Variants in PARM1 observed in about 807,000 individuals in gnomAD.
PARM1 encodes WSC4, cell wall integrity and stress response component 4 homolog.
In PARM1, 14 loss-of-function variants were observed where a neutral mutation model predicts 24.6. The observed-to-expected ratio is 0.57, with a 90% CI of 0.38 to 0.89. The LOEUF (loss-of-function observed/expected upper bound fraction) is 0.89, where lower values mean the gene tolerates loss of function less well. Ranked by LOEUF, PARM1 falls within the 40% of genes least tolerant of loss-of-function variation. The pLI is 0.00. For synonymous variants in PARM1, 179 were observed against 156.6 expected (o/e 1.14, Z -1.07); for missense variants, 362 against 380.4 (o/e 0.95, Z 0.40).
In PARM1 at chr4:75,046,538, C is replaced by T; in HGVS notation, c.*291C>T. On this transcript the variant is annotated 3_prime_UTR_variant, in exon 4 of 4. Coordinates refer to ENST00000307428, the MANE Select transcript of PARM1 (RefSeq NM_015393.4). Reference sequence around the variant, plus strand: ...GAAGGCTTCTTTCCCCACTGCAGGACCCACTTTGAGAAGGACCGAGGAGGA... The same window carrying T: ...GAAGGCTTCTTTCCCCACTGCAGGATCCACTTTGAGAAGGACCGAGGAGGA... 1 of 281,256 alleles carries T rather than the reference C, an allele frequency of 3.6e-6. No homozygotes were observed. Among genetic ancestry groups the T allele is most frequent in the East Asian group, 7.9e-5 (1 of 12,662 alleles). The allele number at this position is 281,256 out of a possible 1,614,324, so 17.4% of individuals were successfully genotyped here. A position where few individuals can be genotyped will look rare whatever the true frequency, so the allele number is the denominator to read the frequency against.
chr4:74,935,647 A>T (rs1721164378), intron 1 of PARM1, among the ~76,000 whole-genome samples: 1 of 152,136 alleles, frequency 6.6e-6, no homozygotes, highest in South Asian at 2.1e-4. Flanking sequence ...ATATTTCTGT[A>T]AAATTCTTAA....
Position 74,939,774 on chromosome 4 carries a change from C to T in PARM1, c.43+6404C>T, listed in dbSNP as rs1309830716. Among the ~76,000 whole-genome samples, 3 of 152,110 alleles carry T rather than the reference C, an allele frequency of 2.0e-5. No individual in the cohort carries two copies. The East Asian group carries it at 5.8e-4, about 29-fold the overall frequency. ...GTGGTGGATATTTGTACCTTTTATACCTAAGGCAAAAAATCTGTGAATACC... is the reference window on the plus strand; with the variant it reads ...GTGGTGGATATTTGTACCTTTTATATCTAAGGCAAAAAATCTGTGAATACC... On this transcript the variant is annotated intron_variant, in intron 1 of 3. Transcript: ENST00000307428.
chr4:74,988,397 G>T (rs907779473), intron 1 of PARM1, among the ~76,000 whole-genome samples: 1 of 152,200 alleles, frequency 6.6e-6, no homozygotes, highest in Non-Finnish European at 1.5e-5. Context: ...AATGGTGGGA[G>T]AGATGGCGCG....
At chr4:74,987,567 AT>A (rs1372200382) in intron 1 of PARM1, among the ~76,000 whole-genome samples, 6 of 152,188 alleles carry the variant, frequency 3.9e-5, no homozygotes, top group African/African-American at 1.4e-4. Context: ...CTGAATATTT[AT>A]TTTGTATATT....
intron 2 of PARM1, among the ~76,000 whole-genome samples, chr4:75,031,437 G>A (rs1723275891): frequency 6.6e-6 from 1 of 151,980 alleles, no homozygotes; most frequent in Non-Finnish European, 1.5e-5. Flanking sequence ...AGGGTGACAT[G>A]GAAGAGCCCC....
intron 2 of PARM1, among the ~76,000 whole-genome samples, chr4:75,018,435 A>G (rs555313235): frequency 7.9e-5 from 12 of 152,340 alleles, no homozygotes; most frequent in Non-Finnish European, 1.6e-4. Flanking sequence ...GTCAAGTTGC[A>G]GGGAGTTCAG....
At position 74,933,264 on chromosome 4, in the gene PARM1, C is replaced by A. The variant is rs530509833; in HGVS notation, c.-64C>A. 6 of 1,461,358 alleles carry A rather than the reference C, an allele frequency of 4.1e-6. No individual in the cohort carries two copies. In the South Asian group the frequency reaches 5.8e-5, roughly 14 times the overall value. The allele number at this position is 1,461,358 out of a possible 1,614,324, so 90.5% of individuals were successfully genotyped here. On this transcript the variant is annotated 5_prime_UTR_variant, in exon 1 of 4. Coordinates refer to ENST00000307428, the MANE Select transcript of PARM1 (RefSeq NM_015393.4). ...GAGGAGTCGCTACCAGCGCCCAGTGCGCTCTGTCAGTCCGCAAACTCCTTG... is the reference window on the plus strand; with the variant it reads ...GAGGAGTCGCTACCAGCGCCCAGTGAGCTCTGTCAGTCCGCAAACTCCTTG...
intron 2 of PARM1, among the ~76,000 whole-genome samples, chr4:75,017,144 C>T (rs1037062874): frequency 4.6e-5 from 7 of 152,128 alleles, no homozygotes; most frequent in Non-Finnish European, 7.4e-5. Flanking sequence ...ATCTTTCAAA[C>T]GTGTCACTTT....
intron 1 of PARM1, among the ~76,000 whole-genome samples, chr4:74,992,237 C>T (rs1344508862): frequency 2.6e-5 from 4 of 151,994 alleles, no homozygotes; most frequent in Admixed American, 1.3e-4. Flanking sequence ...CCAGCAGCAT[C>T]GTCACAATGT....
intron 1 of PARM1, among the ~76,000 whole-genome samples, chr4:74,995,933 AT>A (rs1265790206): frequency 1.3e-5 from 2 of 152,026 alleles, no homozygotes; most frequent in African/African-American, 2.4e-5. Context: ...GTCCTGGATG[AT>A]TTTTTTAGCC....
chr4:74,967,102 T>C (rs556295272), intron 1 of PARM1: 1 of 152,286 alleles, frequency 6.6e-6, no homozygotes, highest in African/African-American at 2.4e-5. Flanking sequence ...GATCTGCCAA[T>C]TTAGGTATAG....
chr4:75,030,603 C>G (rs1723256040), intron 2 of PARM1, among the ~76,000 whole-genome samples: 1 of 152,146 alleles, frequency 6.6e-6, no homozygotes, highest in African/African-American at 2.4e-5. Flanking sequence ...TAGAGTGAAA[C>G]GTGCTAGCAC....
At chr4:75,030,183 A>G (rs1723249511) in intron 2 of PARM1, among the ~76,000 whole-genome samples, 1 of 152,192 alleles carries the variant, frequency 6.6e-6, no homozygotes, top group Admixed American at 6.5e-5. Context: ...TAGATAGTGA[A>G]GAAGAATAGG....
intron 1 of PARM1, among the ~76,000 whole-genome samples, chr4:74,958,420 A>G (rs887119651): frequency 2.0e-5 from 3 of 152,208 alleles, no homozygotes; most frequent in African/African-American, 7.2e-5. Flanking sequence ...AACCCAAAGC[A>G]GACCGGGTAA....
chr4:74,962,774 G>A (rs1442049783), intron 1 of PARM1, among the ~76,000 whole-genome samples: 1 of 152,212 alleles, frequency 6.6e-6, no homozygotes, highest in Non-Finnish European at 1.5e-5. Flanking sequence ...AGAATGAAGA[G>A]TTATTCTTTA....
chr4:75,002,573 G>C (rs1176475100), intron 1 of PARM1, among the ~76,000 whole-genome samples: 1 of 152,142 alleles, frequency 6.6e-6, no homozygotes, highest in Non-Finnish European at 1.5e-5. Flanking sequence ...GGATAGGAAG[G>C]AATGAATCAC....
At chr4:75,014,676 A>G (rs1295239182) in intron 2 of PARM1, among the ~76,000 whole-genome samples, 2 of 152,204 alleles carry the variant, frequency 1.3e-5, no homozygotes, top group Non-Finnish European at 2.9e-5. Context: ...GGTGTGGTCC[A>G]TGCAGGTTGG....
chr4:75,030,140 A>G (rs886888874), intron 2 of PARM1, among the ~76,000 whole-genome samples: 1 of 152,220 alleles, frequency 6.6e-6, no homozygotes, highest in African/African-American at 2.4e-5. Context: ...CAGGGGTGTC[A>G]GGGAAAACGG....
chr4:75,041,667 T>C (rs1578062104), intron 3 of PARM1, among the ~76,000 whole-genome samples: 1 of 152,194 alleles, frequency 6.6e-6, no homozygotes, highest in South Asian at 2.1e-4. Flanking sequence ...AGGTACCATT[T>C]TGCAGTGTTG....
Sources: gnomAD v4.1 joint callset for allele counts (sites outside exome capture counted in the v4.1 genomes callset) on GRCh38, gnomAD v4.1.1 for gene constraint, MANE v1.5 for transcripts, NCBI Gene and HGNC (gene_info 2026-07-23, HGNC 2026-07-21) for gene names.